Variants in HHAT observed in about 807,000 individuals in gnomAD.
HHAT encodes hedgehog acyltransferase.
A neutral mutation model predicts 70.8 loss-of-function variants in HHAT; 47 were observed. The ratio of observed to expected loss-of-function variants is 0.66; its 90% CI spans 0.53 to 0.85. HHAT has a LOEUF of 0.85. HHAT is among the 40% of genes least tolerant of loss of function. HHAT has a pLI of 0.00. For missense variants in HHAT, 609 were observed against 604.8 expected, an observed-to-expected ratio of 1.01 and a Z score of -0.07; for synonymous variants, 228 against 247.6, an observed-to-expected ratio of 0.92 and a Z score of 0.74.
chr1:210,669,566 A>G (rs1679672674), intron 11 of HHAT, among the ~76,000 whole-genome samples: 1 of 152,226 alleles, frequency 6.6e-6, no homozygotes, highest in Non-Finnish European at 1.5e-5. Flanking sequence ...CCTATTAATT[A>G]TATTATCCAA....
intron 1 of HHAT, 94 bp downstream of exon 1, chr1:210,329,198 C>T: frequency 8.2e-7 from 1 of 1,224,808 alleles, no homozygotes; most frequent in Non-Finnish European, 1.0e-6. Context: ...GCACAAAACG[C>T]TTTCCGTTTC....
At chr1:210,592,547 T>G (rs1052572049) in intron 10 of HHAT, among the ~76,000 whole-genome samples, 1 of 44,014 alleles carries the variant, frequency 2.3e-5, no homozygotes, top group African/African-American at 5.7e-5. Flanking sequence ...GTTTTAGGAT[T>G]TTTTTTTTAA....
At chr1:210,363,736 A>C (rs1235593378) in intron 3 of HHAT, among the ~76,000 whole-genome samples, 1 of 152,090 alleles carries the variant, frequency 6.6e-6, no homozygotes, top group African/African-American at 2.4e-5. Context: ...GTATTTTTAT[A>C]TGTTTTTAAA....
At chr1:210,564,606 G>A (rs1035811076) in intron 9 of HHAT, among the ~76,000 whole-genome samples, 11 of 152,226 alleles carry the variant, frequency 7.2e-5, no homozygotes, top group African/African-American at 2.7e-4. Flanking sequence ...AAGGTCATTG[G>A]TAGTTCTGGA....
chr1:210,516,591 T>C (rs1309486894), intron 9 of HHAT, among the ~76,000 whole-genome samples: 3 of 152,202 alleles, frequency 2.0e-5, no homozygotes, highest in African/African-American at 7.2e-5. Flanking sequence ...GAAGAAAATA[T>C]ACTTCCCTTT....
intron 7 of HHAT, among the ~76,000 whole-genome samples, chr1:210,448,691 T>C (rs1187748770): frequency 6.6e-6 from 1 of 152,194 alleles, no homozygotes; most frequent in Non-Finnish European, 1.5e-5. Flanking sequence ...TTAAACTGTT[T>C]TTCATTAAAT....
intron 7 of HHAT, among the ~76,000 whole-genome samples, chr1:210,436,413 C>T (rs990026591): frequency 2.6e-5 from 4 of 151,412 alleles, no homozygotes; most frequent in Non-Finnish European, 5.9e-5. Flanking sequence ...CCTTCAACTT[C>T]GTTCTTTTTG....
chr1:210,463,436 A>C (rs1456818820), intron 7 of HHAT, among the ~76,000 whole-genome samples: 1 of 152,046 alleles, frequency 6.6e-6, no homozygotes, highest in East Asian at 1.9e-4. Flanking sequence ...GGCTTGTTTC[A>C]CTTAGCTTCA....
At chr1:210,465,296 T>G (rs930720936) in intron 8 of HHAT, among the ~76,000 whole-genome samples, 1 of 152,242 alleles carries the variant, frequency 6.6e-6, no homozygotes, top group African/African-American at 2.4e-5. Context: ...ACCCATAGTC[T>G]TATGGTTGGT....
intron 7 of HHAT, among the ~76,000 whole-genome samples, chr1:210,438,022 A>G (rs2093419733): frequency 6.6e-6 from 1 of 151,914 alleles, no homozygotes; most frequent in African/African-American, 2.4e-5. Flanking sequence ...GGCAGTCATC[A>G]GTGAACAGAG....
chr1:210,668,336 C>T (rs1453212510), intron 11 of HHAT, among the ~76,000 whole-genome samples: 1 of 152,048 alleles, frequency 6.6e-6, no homozygotes, highest in African/African-American at 2.4e-5. Flanking sequence ...TGGCTGTGTC[C>T]CCACCCAAAT....
chr1:210,391,732 A>G (rs2091472301), intron 4 of HHAT, among the ~76,000 whole-genome samples: 1 of 152,234 alleles, frequency 6.6e-6, no homozygotes, highest in South Asian at 2.1e-4. Flanking sequence ...AACAAAACAA[A>G]AATCCCCTGA....
intron 10 of HHAT, among the ~76,000 whole-genome samples, chr1:210,608,893 C>T (rs1666039561): frequency 6.6e-6 from 1 of 152,042 alleles, no homozygotes; most frequent in Non-Finnish European, 1.5e-5. Context: ...GGGGAGGCCT[C>T]AGGAAACTTA....
At chr1:210,674,229 TG>T (rs1680765021) in intron 11 of HHAT, 58 bp from the exon 12 acceptor site, 2 of 1,408,586 alleles carry the variant, frequency 1.4e-6, no homozygotes, top group Non-Finnish European at 2.0e-6. Context: ...TTTGCCCATG[TG>T]GGATGTCCTG....
upstream of HHAT, among the ~76,000 whole-genome samples, chr1:210,328,059 G>C (rs1458427169): frequency 6.6e-6 from 1 of 152,162 alleles, no homozygotes; most frequent in African/African-American, 2.4e-5. Flanking sequence ...AAATTTCTGA[G>C]AGCACAGCTT....
chr1:210,486,188 C>T (rs1444079857), intron 8 of HHAT, among the ~76,000 whole-genome samples: 1 of 152,042 alleles, frequency 6.6e-6, no homozygotes, highest in African/African-American at 2.4e-5. Flanking sequence ...CTAAATGATC[C>T]CTTTTGATAG....
At chr1:210,498,251 C>T (rs1315251304) in intron 8 of HHAT, among the ~76,000 whole-genome samples, 5 of 152,286 alleles carry the variant, frequency 3.3e-5, no homozygotes, top group African/African-American at 4.8e-5. Context: ...AATGATACTA[C>T]TTTTCTTAGT....
At chr1:210,470,469 A>T (rs1030750240) in intron 8 of HHAT, among the ~76,000 whole-genome samples, 2 of 152,176 alleles carry the variant, frequency 1.3e-5, no homozygotes, top group African/African-American at 4.8e-5. Context: ...TTCTTGTAAC[A>T]TTCATATTTT....
Position 210,588,002 on chromosome 1 carries a change from A to C in HHAT, c.1148A>C (p.Asp383Ala), listed in dbSNP as rs148696006. 1.2e-6 allele frequency: 2 copies of C among 1,614,086 alleles called. No individual in the cohort carries two copies. Among genetic ancestry groups the C allele is most frequent in the Non-Finnish European group, 1.7e-6 (2 of 1,179,996 alleles). The change falls in exon 10 of 12, where the codon GAC (aspartate) becomes GCC (alanine). Residue 383 changes from aspartate (D) to alanine (A), a missense_variant. Asp to Ala is a moderately radical substitution (Grantham distance 126). Transcript: ENST00000261458. ...AFVSYWHGGY[D>A]YLWCWAALNW... ...GTGAGCTACTGGCATGGCGGCTACG[A>C]CTACCTCTGGTGCTGGGCAGCGCTC...
Sources: gnomAD v4.1 joint callset for allele counts (sites outside exome capture counted in the v4.1 genomes callset) on GRCh38, gnomAD v4.1.1 for gene constraint, MANE v1.5 for transcripts, NCBI Gene and HGNC (gene_info 2026-07-23, HGNC 2026-07-21) for gene names.